The following MAGOHB variants were observed in gnomAD, a reference collection of about 807,000 sequenced individuals.
MAGOHB encodes the protein mago homolog B, exon junction complex subunit, also known as protein mago nashi homolog 2.
A neutral mutation model predicts 20.9 loss-of-function variants in MAGOHB; 15 were observed. That is an observed-to-expected ratio of 0.72 (90% CI 0.48 to 1.11). MAGOHB has a LOEUF of 1.11. Among genes scored for constraint, MAGOHB ranks in the 50% least tolerant of loss-of-function variants. The pLI, the probability that MAGOHB is intolerant of heterozygous loss-of-function variation, is 0.00. For synonymous variants in MAGOHB, 50 were observed against 57.9 expected, an observed-to-expected ratio of 0.86 and a Z score of 0.62; for missense variants, 162 against 177.6, an observed-to-expected ratio of 0.91 and a Z score of 0.50.
At chr12:10,611,762 A>AG (rs1488326616) in intron 1 of MAGOHB, among the ~76,000 whole-genome samples, 44 of 149,258 alleles carry the variant, frequency 2.9e-4, no homozygotes, top group Non-Finnish European at 3.4e-4. Context: ...AAAAAAAAAA[A>AG]AAAAAAAAAA....
chr12:10,612,966 C>T (rs138189351), intron 1 of MAGOHB: 395 of 1,288,044 alleles, frequency 3.1e-4, no homozygotes, highest in Non-Finnish European at 2.8e-4. Flanking sequence ...TTGCTTGGTA[C>T]TCTTCATGCG....
chr12:10,609,879 T>G lies in MAGOHB; in HGVS notation c.216A>C (p.Thr72=). Residue 72 remains threonine (T), a synonymous_variant, in exon 3 of 5, where the codon ACA becomes ACC. Coordinates refer to ENST00000320756, the MANE Select transcript of MAGOHB (RefSeq NM_018048.5). The part of the protein sequence containing the change: ...LKRIIDDSEI[T]KEDDALWPPP... ...GAGGCCACAAAGCATCATCTTCTTTTGTAATTTCACTGTCATCAATAATTC... is the reference window on the plus strand; with the variant it reads ...GAGGCCACAAAGCATCATCTTCTTTGGTAATTTCACTGTCATCAATAATTC... 2.5e-6 allele frequency: 4 copies of G among 1,613,470 alleles called. No homozygotes were observed. In the East Asian group the frequency reaches 8.9e-5, roughly 36 times the overall value.
rs1865584552 is a variant in MAGOHB at position 10,604,226 on chromosome 12, G to A, written c.*2049C>T. ...AGTGGTCTCTTTATTAAGGAAGGAG[G>A]TAAAAGGAACATAACCTGAGCGCAA... On this transcript the variant is annotated 3_prime_UTR_variant, in exon 5 of 5. Transcript: ENST00000320756. 1.3e-5 allele frequency: 2 copies of A among 152,106 alleles called. No individual in the cohort carries two copies. Among genetic ancestry groups the A allele is most frequent in the Admixed American group, 1.3e-4 (2 of 15,268 alleles). 9.4% of individuals were successfully genotyped at this position (152,106 alleles called of 1,614,324 possible).
rs1865627362 is a variant in MAGOHB, at chr12:10,606,231, C to A, written c.*44G>T. 3.8e-6 allele frequency: 4 copies of A among 1,051,064 alleles called. No individual in the cohort carries two copies. Among genetic ancestry groups the A allele is most frequent in the Admixed American group, 2.9e-5 (1 of 34,624 alleles). 65.1% of individuals were successfully genotyped at this position (1,051,064 alleles called of 1,614,324 possible). A position where few individuals can be genotyped will look rare whatever the true frequency, so the allele number is the denominator to read the frequency against. Reference sequence around the variant, plus strand: ...ATACTGTAAATGACAAATAACCCCTCCCATCCCTTAATTAAATATACAAAC... The same window carrying A: ...ATACTGTAAATGACAAATAACCCCTACCATCCCTTAATTAAATATACAAAC... On this transcript the variant is annotated 3_prime_UTR_variant, in exon 5 of 5. Transcript: ENST00000320756.
chr12:10,613,469 C>T lies in MAGOHB; in HGVS notation c.64G>A (p.Glu22Lys). 1 of 1,614,158 alleles carries T rather than the reference C, an allele frequency of 6.2e-7. No individual in the cohort carries two copies. The highest frequency in any genetic ancestry group is 8.5e-7 in the Non-Finnish European group (1 of 1,180,024). ...GGCCGAAATTCGAACTCCAGAAACT[C>T]GTGCCCAAACTTGCCCTTGTGCCCT... is the stretch of plus-strand genomic sequence containing the variant. ...YVGHKGKFGHEFLEFEFRPDG... is the reference protein window; with the variant it reads ...YVGHKGKFGHKFLEFEFRPDG... The change falls in exon 1 of 5, where the codon GAG becomes AAG. Residue 22 changes from glutamate to lysine, a missense_variant. Coordinates refer to ENST00000320756, the MANE Select transcript of MAGOHB (RefSeq NM_018048.5).
At chr12:10,611,771 A>AAAAAAAAAAAG (rs1555146555) in intron 1 of MAGOHB, among the ~76,000 whole-genome samples, 134 of 93,080 alleles carry the variant, frequency 1.4e-3, no homozygotes, top group Non-Finnish European at 1.9e-3. Context: ...AAAAAAAAAA[A>AAAAAAAAAAAG]AAAAGAAAAG....
rs1021255805 is a variant in MAGOHB at position 10,604,781 on chromosome 12, A to G, written c.*1494T>C. ...GTACTTGCATAATGAAGTGGAAATC[A>G]TTTGACTTTCCATGGCAAACCTGAA... is the stretch of plus-strand genomic sequence containing the variant. On this transcript the variant is annotated 3_prime_UTR_variant, in exon 5 of 5. Coordinates refer to ENST00000320756, the MANE Select transcript of MAGOHB (RefSeq NM_018048.5). The G allele has an allele frequency of 1.4e-4, 21 of 152,250 alleles. No individual in the cohort carries two copies. Among genetic ancestry groups the G allele is most frequent in the Non-Finnish European group, 5.9e-5 (4 of 68,042 alleles). The allele number at this position is 152,250 out of a possible 1,614,324, so 9.4% of individuals were successfully genotyped here. A position where few individuals can be genotyped will look rare whatever the true frequency, so the allele number is the denominator to read the frequency against.
chr12:10,600,012 GTC>G (rs147760550), downstream of MAGOHB, among the ~76,000 whole-genome samples: 138 of 152,104 alleles, frequency 9.1e-4, 1 homozygote, highest in Middle Eastern at 0.01. Context: ...TTAAATAACA[GTC>G]TCTCTGTTGG....
intron 1 of MAGOHB, among the ~76,000 whole-genome samples, chr12:10,612,283 C>A (rs1865762107): frequency 6.6e-6 from 1 of 152,020 alleles, no homozygotes; most frequent in Non-Finnish European, 1.5e-5. Context: ...CCTGTATTCC[C>A]AGCACCTCGG....
downstream of MAGOHB, among the ~76,000 whole-genome samples, chr12:10,602,616 C>T (rs138493598): frequency 2.6e-5 from 4 of 152,340 alleles, no homozygotes; most frequent in East Asian, 7.7e-4. Flanking sequence ...TTTGAATGTT[C>T]TGGTACTTTG....
At chr12:10,609,116 T>C (rs937244817) in intron 3 of MAGOHB, 31 of 166,602 alleles carry the variant, frequency 1.9e-4, no homozygotes, top group African/African-American at 7.1e-4. Flanking sequence ...TTCTAAATAA[T>C]GCTTCTTTAA....
At chr12:10,613,078 T>A in intron 1 of MAGOHB, 1 of 624,174 alleles carries the variant, frequency 1.6e-6, no homozygotes, top group Non-Finnish European at 2.4e-6. Flanking sequence ...ACAGCCTAAA[T>A]GAAAAAAAGG....
At chr12:10,611,763 A>AG (rs1195142616) in intron 1 of MAGOHB, among the ~76,000 whole-genome samples, 10 of 149,390 alleles carry the variant, frequency 6.7e-5, no homozygotes, top group African/African-American at 2.2e-4. Context: ...AAAAAAAAAA[A>AG]AAAAAAAAAA....
downstream of MAGOHB, among the ~76,000 whole-genome samples, chr12:10,603,822 T>A (rs1349147520): frequency 6.6e-6 from 1 of 152,234 alleles, no homozygotes; most frequent in African/African-American, 2.4e-5. Flanking sequence ...GACTTCATTA[T>A]CCATTCATGC....
At chr12:10,611,511 C>CT (rs1410502593) in intron 1 of MAGOHB, among the ~76,000 whole-genome samples, 1 of 151,852 alleles carries the variant, frequency 6.6e-6, no homozygotes, top group Admixed American at 6.6e-5. Context: ...ATTTGGGAGG[C>CT]TGAGATGGGT....
Position 10,613,547 on chromosome 12 carries a change from A to T in MAGOHB, c.-15T>A, listed in dbSNP as rs766500121. On this transcript the variant is annotated 5_prime_UTR_variant, in exon 1 of 5. Coordinates refer to ENST00000320756, the MANE Select transcript of MAGOHB (RefSeq NM_018048.5). ...GCCACAGCCATTTTTGTACCCGGGA[A>T]GCCCGCCGAAAACGCAGCCAACGTG... The T allele has an allele frequency of 6.3e-7, 1 of 1,597,422 alleles. No individual in the cohort carries two copies. Among genetic ancestry groups the T allele is most frequent in the Non-Finnish European group, 8.6e-7 (1 of 1,164,770 alleles).
At chr12:10,610,493 C>T in intron 2 of MAGOHB, 129 bp downstream of exon 2, 1 of 1,095,722 alleles carries the variant, frequency 9.1e-7, no homozygotes, top group Non-Finnish European at 1.2e-6. Context: ...CTCTTTCAAT[C>T]TATAAATTGC....
At chr12:10,603,224 A>G (rs1008136395), downstream of MAGOHB, among the ~76,000 whole-genome samples, 1 of 150,876 alleles carries the variant, frequency 6.6e-6, no homozygotes, top group East Asian at 2.0e-4. Context: ...TGAGGCAGGG[A>G]AATGGCATGA....
downstream of MAGOHB, among the ~76,000 whole-genome samples, chr12:10,602,667 A>T (rs1001493014): frequency 6.6e-6 from 1 of 152,190 alleles, no homozygotes; most frequent in African/African-American, 2.4e-5. Flanking sequence ...CACATAACAC[A>T]CAAATATGAA....
Sources: allele counts gnomAD v4.1 joint callset (sites outside exome capture counted in the v4.1 genomes callset), GRCh38; gene constraint gnomAD v4.1.1; transcripts MANE v1.5; gene names NCBI Gene and HGNC (gene_info 2026-07-23, HGNC 2026-07-21).